CSNK2A2IP: variants seen among roughly 807,000 people sequenced by gnomAD.
CSNK2A2IP encodes the protein casein kinase 2 subunit alpha' interacting protein.
the CSNK2A2IP span, among the ~76,000 whole-genome samples, chr3:88,435,625 T>C: frequency 0.36 from 54,759 of 152,002 alleles, 11,127 homozygotes; most frequent in Non-Finnish European, 0.47. Context: ...TATGAAATAT[T>C]TCCTCTTTTC....
the CSNK2A2IP span, among the ~76,000 whole-genome samples, chr3:88,416,849 A>G: frequency 6.6e-6 from 1 of 152,166 alleles, no homozygotes; most frequent in Admixed American, 6.5e-5. Context: ...TAGTTTTCAA[A>G]TTAGATAGTA....
At chr3:88,432,270 A>G in the CSNK2A2IP span, among the ~76,000 whole-genome samples, 1 of 151,954 alleles carries the variant, frequency 6.6e-6, no homozygotes, top group African/African-American at 2.4e-5. Flanking sequence ...AATTATAAAC[A>G]GTTATCTAAG....
the CSNK2A2IP span, chr3:88,467,394 A>G: frequency 2.5e-6 from 1 of 398,672 alleles, no homozygotes; most frequent in Non-Finnish European, 4.4e-6. Context: ...GGTTGCCTGC[A>G]GGGGTCTCCT....
At chr3:88,449,817 CGAGACA>C in the CSNK2A2IP span, among the ~76,000 whole-genome samples, 2 of 54,904 alleles carry the variant, frequency 3.6e-5, no homozygotes, top group Non-Finnish European at 7.3e-5. Context: ...TTTTTTATAT[CGAGACA>C]CACACACACA....
At chr3:88,339,918 G>T in the CSNK2A2IP span, among the ~76,000 whole-genome samples, 1 of 151,842 alleles carries the variant, frequency 6.6e-6, no homozygotes, top group Non-Finnish European at 1.5e-5. Context: ...GCTCTTCTGG[G>T]TCATTATTAT....
the CSNK2A2IP span, among the ~76,000 whole-genome samples, chr3:88,362,951 C>T: frequency 0.026 from 3,907 of 152,228 alleles, 103 homozygotes; most frequent in East Asian, 0.074. Context: ...CTGCAGCTAA[C>T]GTTTTTCCCT....
the CSNK2A2IP span, among the ~76,000 whole-genome samples, chr3:88,386,761 G>A: frequency 2.4e-4 from 37 of 152,324 alleles, 1 homozygote; most frequent in East Asian, 6.9e-3. Flanking sequence ...TTTTAATACA[G>A]TATAGTTATT....
At chr3:88,467,362 C>T in the CSNK2A2IP span, 16 of 397,136 alleles carry the variant, frequency 4.0e-5, no homozygotes, top group East Asian at 1.4e-4. Flanking sequence ...TCCTGTATTC[C>T]GTAAGGTACT....
chr3:88,344,934 C>T, the CSNK2A2IP span, among the ~76,000 whole-genome samples: 3 of 151,958 alleles, frequency 2.0e-5, no homozygotes, highest in East Asian at 1.9e-4. Flanking sequence ...TTTTGAATAT[C>T]ATGTTTTAAT....
chr3:88,368,299 A>G, the CSNK2A2IP span, among the ~76,000 whole-genome samples: 1 of 151,630 alleles, frequency 6.6e-6, no homozygotes, highest in Non-Finnish European at 1.5e-5. Flanking sequence ...GCTGGAAAAG[A>G]TGGACAAAAC....
chr3:88,366,168 C>T, the CSNK2A2IP span, among the ~76,000 whole-genome samples: 1 of 152,140 alleles, frequency 6.6e-6, no homozygotes, highest in Non-Finnish European at 1.5e-5. Context: ...ATTTTAAACT[C>T]CAGCACTTTG....
the CSNK2A2IP span, among the ~76,000 whole-genome samples, chr3:88,390,888 A>C: frequency 1.3e-5 from 2 of 152,210 alleles, no homozygotes; most frequent in Non-Finnish European, 2.9e-5. Context: ...TAATACAATT[A>C]TTTTATTTTA....
chr3:88,355,339 T>A, the CSNK2A2IP span, among the ~76,000 whole-genome samples: 1 of 152,138 alleles, frequency 6.6e-6, no homozygotes, highest in Non-Finnish European at 1.5e-5. Flanking sequence ...CTTATGTATG[T>A]TCTGGGTGTT....
At chr3:88,378,142 T>G in the CSNK2A2IP span, among the ~76,000 whole-genome samples, 1 of 151,988 alleles carries the variant, frequency 6.6e-6, no homozygotes, top group Admixed American at 6.6e-5. Flanking sequence ...TCAGATTTAT[T>G]AATGATGCAA....
the CSNK2A2IP span, among the ~76,000 whole-genome samples, chr3:88,360,810 A>G: frequency 8.4e-6 from 1 of 119,094 alleles, no homozygotes; most frequent in Non-Finnish European, 2.1e-5. Context: ...AGTATGTTTT[A>G]ATTTTTTGGT....
chr3:88,441,991 T>A, the CSNK2A2IP span, among the ~76,000 whole-genome samples: 14 of 152,124 alleles, frequency 9.2e-5, no homozygotes, highest in African/African-American at 3.4e-4. Context: ...TGGGAGGTTT[T>A]AAAAAAATTT....
chr3:88,458,125 G>T, the CSNK2A2IP span, among the ~76,000 whole-genome samples: 3 of 137,522 alleles, frequency 2.2e-5, no homozygotes, highest in Admixed American at 2.2e-4. Flanking sequence ...TCTTAATCCT[G>T]ATATTTGTAA....
the CSNK2A2IP span, among the ~76,000 whole-genome samples, chr3:88,423,992 T>C: frequency 2.0e-5 from 3 of 152,170 alleles, no homozygotes; most frequent in Admixed American, 6.6e-5. Flanking sequence ...TACACAAACC[T>C]GGCTCCTGTC....
At chr3:88,463,521 C>T in the CSNK2A2IP span, among the ~76,000 whole-genome samples, 9 of 152,074 alleles carry the variant, frequency 5.9e-5, no homozygotes, top group African/African-American at 1.9e-4. Context: ...CAAAAGAAGA[C>T]ATTTATGCAG....
Sources: allele counts gnomAD v4.1 joint callset (sites outside exome capture counted in the v4.1 genomes callset), GRCh38; gene constraint gnomAD v4.1.1; transcripts MANE v1.5; gene names NCBI Gene and HGNC (gene_info 2026-07-23, HGNC 2026-07-21).